Variants in GARNL3 observed in about 807,000 individuals in gnomAD.
GARNL3 encodes GTPase activating Rap/RanGAP domain like 3, also known as GTPase-activating Rap/Ran-GAP domain-like protein 3.
GARNL3 carries 63 observed loss-of-function variants against 125.0 expected under a neutral mutation model. The observed-to-expected ratio is 0.50, with a 90% confidence interval of 0.41 to 0.62. GARNL3 has a LOEUF of 0.62. Ranked by LOEUF, GARNL3 falls within the 20% of genes least tolerant of loss-of-function variation. The pLI, the probability that GARNL3 is intolerant of heterozygous loss-of-function variation, is 0.00. For missense variants in GARNL3, 994 were observed against 1,244.0 expected (o/e 0.80, Z 3.02); for synonymous variants, 439 against 457.5 (o/e 0.96, Z 0.52).
chr9:127,306,561 A>G (rs1019057258), intron 2 of GARNL3, among the ~76,000 whole-genome samples: 9 of 152,180 alleles, frequency 5.9e-5, no homozygotes, highest in Non-Finnish European at 8.8e-5. Context: ...CCCCGTCTCT[A>G]CTAAAAATAC....
chr9:127,372,154 C>G (rs746528790), intron 22 of GARNL3, among the ~76,000 whole-genome samples: 1 of 152,158 alleles, frequency 6.6e-6, no homozygotes, highest in Non-Finnish European at 1.5e-5. Context: ...CATTTTTCTT[C>G]AAAGCATTCA....
chr9:127,375,912 A>C (rs1233258203), intron 22 of GARNL3, among the ~76,000 whole-genome samples: 1 of 152,184 alleles, frequency 6.6e-6, no homozygotes, highest in Non-Finnish European at 1.5e-5. Context: ...ACCATCTTGG[A>C]AGCAGACCCA....
rs371177003 is a variant in GARNL3 at position 127,389,046 on chromosome 9, A to G, written c.2670A>G (p.Pro890=). 53 of 1,614,154 alleles carry G rather than the reference A, an allele frequency of 3.3e-5. No homozygotes were observed. The highest frequency in any genetic ancestry group is 4.1e-5 in the Non-Finnish European group (48 of 1,180,012). Reference sequence around the variant, plus strand: ...TCAGTGTGGGCCTTGCTGCCATTCCAGTCACGCACTCCTTGTCCCTGTCTC... The same window carrying G: ...TCAGTGTGGGCCTTGCTGCCATTCCGGTCACGCACTCCTTGTCCCTGTCTC... ...TPISVGLAAI[P]VTHSLSLSRM... is the part of the protein sequence containing the mutation. Residue 890 remains proline, a synonymous_variant, in exon 26 of 28, where the codon CCA becomes CCG. Coordinates refer to ENST00000373387, the MANE Select transcript of GARNL3 (RefSeq NM_032293.5).
intron 4 of GARNL3, among the ~76,000 whole-genome samples, chr9:127,315,787 T>C (rs959488396): frequency 1.3e-5 from 2 of 152,216 alleles, no homozygotes; most frequent in Non-Finnish European, 2.9e-5. Context: ...GATTTGTACT[T>C]ATTTTGAAAA....
At chr9:127,238,195 G>T (rs2063144893) in intron 1 of GARNL3, among the ~76,000 whole-genome samples, 2 of 152,092 alleles carry the variant, frequency 1.3e-5, no homozygotes, top group South Asian at 4.1e-4. Flanking sequence ...CACCATGTTG[G>T]CCAGGCTGAT....
intron 1 of GARNL3, among the ~76,000 whole-genome samples, chr9:127,268,630 A>G (rs1259122447): frequency 6.6e-6 from 1 of 152,232 alleles, no homozygotes; most frequent in Non-Finnish European, 1.5e-5. Context: ...CATTAAATAC[A>G]TTCATATTGG....
chr9:127,389,192 C>T, intron 26 of GARNL3, 73 bp downstream of exon 26: 2 of 1,103,032 alleles, frequency 1.8e-6, no homozygotes, highest in South Asian at 1.4e-5. Flanking sequence ...TATGAATTGT[C>T]CTCAGAAACA....
At chr9:127,346,356 G>A (rs1455251077) in intron 16 of GARNL3, among the ~76,000 whole-genome samples, 1 of 152,144 alleles carries the variant, frequency 6.6e-6, no homozygotes, top group African/African-American at 2.4e-5. Flanking sequence ...AGGTATAGAT[G>A]ATGTGAGCCT....
chr9:127,349,076 A>C (rs766322872), intron 17 of GARNL3, 41 bp downstream of exon 17: 60 of 1,334,158 alleles, frequency 4.5e-5, no homozygotes, highest in Non-Finnish European at 6.2e-5. Context: ...TTTTCATGTA[A>C]CTTGTAGTAC....
Position 127,338,180 on chromosome 9 carries a change from T to G in GARNL3, c.1028+19T>G. On this transcript the variant is annotated intron_variant, in intron 12 of 27. Transcript: ENST00000373387. The stretch of plus-strand genomic sequence containing the variant: ...ATTACAGGTAGGTAATGACTTTGTC[T>G]CGATTGCTTGTCCTAATTCTCATGC... The G allele has an allele frequency of 1.9e-6, 3 of 1,580,796 alleles. No individual in the cohort carries two copies. The highest frequency in any genetic ancestry group is 2.6e-6 in the Non-Finnish European group (3 of 1,149,652).
intron 2 of GARNL3, among the ~76,000 whole-genome samples, chr9:127,297,447 CTTTTTTCTT>C (rs905338929): frequency 1.3e-5 from 2 of 152,142 alleles, no homozygotes; most frequent in South Asian, 2.1e-4. Context: ...CCTATATTTT[CTTTTTTCTT>C]TTTTTTCTTT....
intron 13 of GARNL3, among the ~76,000 whole-genome samples, chr9:127,340,180 G>A (rs1347107227): frequency 6.6e-6 from 1 of 152,154 alleles, no homozygotes; most frequent in Non-Finnish European, 1.5e-5. Flanking sequence ...GAGTGTATAT[G>A]TGCACCCATG....
intron 25 of GARNL3, chr9:127,388,510 C>T (rs1832668941): frequency 4.0e-6 from 1 of 252,532 alleles, no homozygotes; most frequent in African/African-American, 2.3e-5. Flanking sequence ...TGCCCGCAAA[C>T]CCCAGAGGCC....
Position 127,245,818 on chromosome 9 carries a change from G to A in GARNL3, c.143+2569G>A, listed in dbSNP as rs550803557. On this transcript the variant is annotated intron_variant, in intron 2 of 10. Coordinates refer to the GARNL3 transcript ENST00000439286. The stretch of plus-strand genomic sequence containing the variant: ...GCGGAGGCCCAGCCTTTTCTGGGAC[G>A]CACCGCTTGGAAGTGACAGAACAGG... Among the ~76,000 whole-genome samples, 78 of 152,304 alleles carry A rather than the reference G, an allele frequency of 5.1e-4. 1 individual carries two copies. Among genetic ancestry groups the A allele is most frequent in the Middle Eastern group, 3.4e-3 (1 of 294 alleles).
At chr9:127,371,389 C>G (rs1377430905) in intron 22 of GARNL3, among the ~76,000 whole-genome samples, 1 of 152,186 alleles carries the variant, frequency 6.6e-6, no homozygotes, top group Admixed American at 6.5e-5. Flanking sequence ...TAGGAAATCT[C>G]TATGTGATTT....
intron 1 of GARNL3, among the ~76,000 whole-genome samples, chr9:127,226,155 C>T (rs1013449422): frequency 6.6e-6 from 1 of 152,254 alleles, no homozygotes; most frequent in Non-Finnish European, 1.5e-5. Flanking sequence ...CTGTGCCCTT[C>T]GCGGCCAACA....
chr9:127,264,650 TAA>T, upstream of GARNL3: 1 of 1,165,810 alleles, frequency 8.6e-7, no homozygotes, highest in Non-Finnish European at 1.1e-6. Flanking sequence ...AATGAAATTA[TAA>T]ACCACCAGTA....
At chr9:127,311,291 G>A (rs2065091158) in intron 2 of GARNL3, among the ~76,000 whole-genome samples, 2 of 151,696 alleles carry the variant, frequency 1.3e-5, no homozygotes, top group Non-Finnish European at 2.9e-5. Context: ...GATGAATTGT[G>A]CCTGTTACAG....
In GARNL3 at chr9:127,302,831, C is replaced by T. The variant is rs374282038; in HGVS notation, c.220-8805C>T. 1.1e-4 allele frequency among the ~76,000 whole-genome samples: 17 copies of T among 152,236 alleles called. No individual in the cohort carries two copies. The East Asian group carries it at 2.1e-3, about 19-fold the overall frequency. On this transcript the variant is annotated intron_variant, in intron 2 of 27. Transcript: ENST00000373387. ...GAATCTATGTAGTTGTTAAAAAGAACAAAATAGATCTATATGTATTGACAT... is the reference window on the plus strand; with the variant it reads ...GAATCTATGTAGTTGTTAAAAAGAATAAAATAGATCTATATGTATTGACAT...
Sources: allele counts gnomAD v4.1 joint callset (sites outside exome capture counted in the v4.1 genomes callset), GRCh38; gene constraint gnomAD v4.1.1; transcripts MANE v1.5; gene names NCBI Gene and HGNC (gene_info 2026-07-23, HGNC 2026-07-21).